Variants in RHOU observed in about 807,000 individuals in gnomAD.
The protein encoded by RHOU is ras homolog family member U, also known as rho-related GTP-binding protein RhoU.
RHOU carries 8 observed loss-of-function variants against 12.6 expected under a neutral mutation model. The ratio of observed to expected loss-of-function variants is 0.64; its 90% confidence interval spans 0.37 to 1.15. The LOEUF is 1.15. RHOU is among the 50% of genes most tolerant of loss of function. RHOU has a pLI of 0.01. For synonymous variants in RHOU, 161 were observed against 147.4 expected, an observed-to-expected ratio of 1.09 and a Z score of -0.67; for missense variants, 258 against 347.0, an observed-to-expected ratio of 0.74 and a Z score of 2.04.
the RHOU span, among the ~76,000 whole-genome samples, chr1:228,702,445 G>C: frequency 6.6e-6 from 1 of 152,136 alleles, no homozygotes; most frequent in East Asian, 1.9e-4. Flanking sequence ...GCTGGGCCAG[G>C]GAGAAAGGGG....
At chr1:228,681,243 G>A in the RHOU span, among the ~76,000 whole-genome samples, 189 of 146,832 alleles carry the variant, frequency 1.3e-3, no homozygotes, top group Middle Eastern at 6.8e-3. Context: ...TTGGGCAGGA[G>A]GGGGAGAGCT....
At chr1:228,696,511 TTAG>T in the RHOU span, among the ~76,000 whole-genome samples, 1 of 152,164 alleles carries the variant, frequency 6.6e-6, no homozygotes, top group Non-Finnish European at 1.5e-5. Flanking sequence ...ATTTCTCCTC[TTAG>T]TAGTTTATTG....
the RHOU span, among the ~76,000 whole-genome samples, chr1:228,704,013 T>C: frequency 6.6e-6 from 1 of 152,236 alleles, no homozygotes; most frequent in African/African-American, 2.4e-5. Context: ...AGTCTCCTTC[T>C]GAGGCTCACC....
At chr1:228,655,848 G>A in the RHOU span, among the ~76,000 whole-genome samples, 1 of 152,184 alleles carries the variant, frequency 6.6e-6, no homozygotes, top group African/African-American at 2.4e-5. Context: ...AGCTGGGGAA[G>A]GCCACAAAGA....
the RHOU span, chr1:228,687,811 G>C: frequency 7.7e-7 from 1 of 1,297,802 alleles, no homozygotes. Context: ...CTGGGGGACA[G>C]TGATAATGAA....
chr1:228,664,239 G>A, the RHOU span, among the ~76,000 whole-genome samples: 1 of 94,822 alleles, frequency 1.1e-5, no homozygotes, highest in South Asian at 3.4e-4. Context: ...GGCTGGTCTC[G>A]AACTCCTGGG....
At chr1:228,694,317 AT>A in the RHOU span, among the ~76,000 whole-genome samples, 3 of 151,906 alleles carry the variant, frequency 2.0e-5, no homozygotes, top group Non-Finnish European at 2.9e-5. Context: ...AGTCTTGCTT[AT>A]TTTTTTCTTC....
At chr1:228,659,303 G>A in the RHOU span, among the ~76,000 whole-genome samples, 2 of 150,514 alleles carry the variant, frequency 1.3e-5, no homozygotes, top group South Asian at 2.1e-4. Flanking sequence ...ACTTAAACCC[G>A]GGAGGCAGAG....
At chr1:228,710,698 A>G in the RHOU span, among the ~76,000 whole-genome samples, 4 of 150,484 alleles carry the variant, frequency 2.7e-5, no homozygotes, top group Non-Finnish European at 6.0e-5. Flanking sequence ...ACCCACAGCC[A>G]ATATCATACT....
At chr1:228,674,271 C>A in the RHOU span, among the ~76,000 whole-genome samples, 11 of 151,292 alleles carry the variant, frequency 7.3e-5, no homozygotes, top group Non-Finnish European at 1.6e-4. Flanking sequence ...TCATTTAGTT[C>A]TCTTAATGCA....
At chr1:228,650,942 T>G in the RHOU span, 2 of 363,504 alleles carry the variant, frequency 5.5e-6, no homozygotes, top group South Asian at 4.9e-5. Context: ...TGACATTAGC[T>G]CTCACTTTCA....
At chr1:228,721,919 C>T in the RHOU span, among the ~76,000 whole-genome samples, 1 of 152,222 alleles carries the variant, frequency 6.6e-6, no homozygotes, top group Non-Finnish European at 1.5e-5. Flanking sequence ...TCCCAAATTG[C>T]TGGGATTACA....
chr1:228,707,255 A>T, the RHOU span, among the ~76,000 whole-genome samples: 1,599 of 40,616 alleles, frequency 0.039, 20 homozygotes, highest in East Asian at 0.12. Flanking sequence ...ATATATATAT[A>T]GTGTGTGTGT....
At chr1:228,728,984 C>T in the RHOU span, among the ~76,000 whole-genome samples, 3 of 151,780 alleles carry the variant, frequency 2.0e-5, no homozygotes, top group African/African-American at 7.3e-5. Flanking sequence ...CAAACTCTGC[C>T]TCCCGGGTTC....
the RHOU span, among the ~76,000 whole-genome samples, chr1:228,685,983 T>C: frequency 6.6e-6 from 1 of 152,194 alleles, no homozygotes; most frequent in Non-Finnish European, 1.5e-5. Flanking sequence ...GATCAGAGTT[T>C]TACACTTTGA....
the RHOU span, among the ~76,000 whole-genome samples, chr1:228,714,778 C>G: frequency 8.7e-6 from 1 of 115,378 alleles, no homozygotes; most frequent in African/African-American, 3.4e-5. Context: ...GAGTCTCACT[C>G]TGTCACCCAG....
chr1:228,733,635 T>G (rs371789524), upstream of RHOU, among the ~76,000 whole-genome samples: 5 of 152,346 alleles, frequency 3.3e-5, no homozygotes, highest in East Asian at 9.6e-4. Context: ...TGGAAAGAAT[T>G]GCCAGACTAG....
At chr1:228,687,627 C>T in the RHOU span, 1 of 1,561,100 alleles carries the variant, frequency 6.4e-7, no homozygotes, top group Non-Finnish European at 8.7e-7. Context: ...ACTACTGGAA[C>T]TGCACAAACT....
At chr1:228,695,248 A>T in the RHOU span, among the ~76,000 whole-genome samples, 2 of 152,148 alleles carry the variant, frequency 1.3e-5, no homozygotes, top group Non-Finnish European at 2.9e-5. Context: ...GGGATTACAG[A>T]TGTGAGTCAC....
Sources: allele counts gnomAD v4.1 joint callset (sites outside exome capture counted in the v4.1 genomes callset), GRCh38; gene constraint gnomAD v4.1.1; transcripts MANE v1.5; gene names NCBI Gene and HGNC (gene_info 2026-07-23, HGNC 2026-07-21).